The following WNK2 variants were observed in gnomAD, a reference collection of about 807,000 sequenced individuals.
WNK2 encodes WNK lysine deficient protein kinase 2.
WNK2 carries 67 observed loss-of-function variants against 192.1 expected under a neutral mutation model. The observed-to-expected ratio is 0.35, with a 90% confidence interval of 0.29 to 0.43. The LOEUF (loss-of-function observed/expected upper bound fraction) is 0.43, where lower values mean the gene tolerates loss of function less well. Among genes scored for constraint, WNK2 ranks in the 20% least tolerant of loss-of-function variants. The pLI is 1.00. For missense variants in WNK2, 2,698 were observed against 3,089.7 expected (o/e 0.87, Z 3.01); for synonymous variants, 1,439 against 1,393.9 (o/e 1.03, Z -0.72).
chr9:93,211,999 G>A (rs116578020), intron 2 of WNK2, among the ~76,000 whole-genome samples: 1 of 150,596 alleles, frequency 6.6e-6, no homozygotes, highest in African/African-American at 2.4e-5. Context: ...CCCCATTCAC[G>A]CACTCATTCA....
At chr9:93,310,309 C>T (rs930612468) in intron 28 of WNK2, among the ~76,000 whole-genome samples, 1 of 152,200 alleles carries the variant, frequency 6.6e-6, no homozygotes, top group Admixed American at 6.5e-5. Context: ...CACCCGGAGC[C>T]TGGGCAGGCT....
At chr9:93,285,607 T>A (rs1480086444) in intron 19 of WNK2, among the ~76,000 whole-genome samples, 5 of 152,228 alleles carry the variant, frequency 3.3e-5, no homozygotes, top group Non-Finnish European at 5.9e-5. Context: ...ACCATATTCA[T>A]GGACTGGAAG....
intron 2 of WNK2, among the ~76,000 whole-genome samples, chr9:93,223,737 A>T (rs531184244): frequency 2.0e-5 from 3 of 152,234 alleles, no homozygotes; most frequent in Non-Finnish European, 4.4e-5. Flanking sequence ...GACTGGTTCA[A>T]ATCTTCCAGA....
rs138856386 is a variant in WNK2 at position 93,215,191 on chromosome 9, G to A, written c.682-14505G>A. Among the ~76,000 whole-genome samples, 825 of 152,066 alleles carry A rather than the reference G, an allele frequency of 5.4e-3. 7 individuals are homozygous for A. The highest frequency in any genetic ancestry group is 0.018 in the African/African-American group (766 of 41,478). On this transcript the variant is annotated intron_variant, in intron 2 of 29. Transcript: ENST00000427277. ...GGCTGGAGTGCAGTGGCGCGATCTC[G>A]GCTCACTGCAAACTCTGCCTCCTGG...
intron 4 of WNK2, 116 bp from the exon 5 acceptor site, chr9:93,234,692 C>A: frequency 8.1e-7 from 1 of 1,238,460 alleles, no homozygotes; most frequent in Non-Finnish European, 1.1e-6. Flanking sequence ...CTGAGTGTGC[C>A]ATGGGATGTG....
At chr9:93,252,725 T>C (rs1842757624) in intron 8 of WNK2, among the ~76,000 whole-genome samples, 158 bp from the exon 9 acceptor site, 1 of 152,246 alleles carries the variant, frequency 6.6e-6, no homozygotes, top group Admixed American at 6.5e-5. Context: ...CCAGTATGGT[T>C]CTGTAGCAGC....
At chr9:93,249,204 GTTAAA>G (rs1245680406) in intron 8 of WNK2, among the ~76,000 whole-genome samples, 1 of 152,178 alleles carries the variant, frequency 6.6e-6, no homozygotes, top group African/African-American at 2.4e-5. Context: ...GTAATTGTGG[GTTAAA>G]TAATTCCTAG....
chr9:93,267,225 G>A (rs1845305016), intron 16 of WNK2: 1 of 154,158 alleles, frequency 6.5e-6, no homozygotes, highest in Admixed American at 6.4e-5. Flanking sequence ...TGGGAGAGCA[G>A]GGGGTGCGCA....
At chr9:93,256,266 T>C in intron 9 of WNK2, 33 bp from the exon 10 acceptor site, 1 of 1,472,022 alleles carries the variant, frequency 6.8e-7, no homozygotes, top group Non-Finnish European at 9.0e-7. Context: ...GGCCGAGAGC[T>C]GCTGCTGAGT....
chr9:93,237,496 G>C (rs569567921), intron 5 of WNK2, among the ~76,000 whole-genome samples: 1 of 152,256 alleles, frequency 6.6e-6, no homozygotes, highest in South Asian at 2.1e-4. Context: ...GTTCTATTTG[G>C]TTCTGTTTTT....
At chr9:93,260,500 C>T (rs56681899) in intron 12 of WNK2, among the ~76,000 whole-genome samples, 4,032 of 152,226 alleles carry the variant, frequency 0.026, 175 homozygotes, top group African/African-American at 0.093. Flanking sequence ...CCTCAGCCTC[C>T]GCAGGAAAGC....
rs1404978205 is a variant in WNK2 at position 93,252,877 on chromosome 9, C to T, written c.1835-6C>T. 7 of 1,450,580 alleles carry T rather than the reference C, an allele frequency of 4.8e-6. No homozygotes were observed. The highest frequency in any genetic ancestry group is 1.4e-5 in the South Asian group (1 of 69,844). 89.9% of individuals were successfully genotyped at this position (1,450,580 alleles called of 1,614,324 possible). ...CCACTCTAAGTCCTGCTTTTGTCCTCCCCAGCGGACAGCACCTTCGACAGC... is the reference window on the plus strand; with the variant it reads ...CCACTCTAAGTCCTGCTTTTGTCCTTCCCAGCGGACAGCACCTTCGACAGC... On this transcript the variant is annotated splice_region_variant and splice_polypyrimidine_tract_variant and intron_variant, in intron 8 of 29. Coordinates refer to ENST00000427277, the MANE Select transcript of WNK2 (RefSeq NM_006648.4).
intron 2 of WNK2, among the ~76,000 whole-genome samples, chr9:93,218,404 C>CA (rs1836164015): frequency 6.6e-6 from 1 of 152,054 alleles, no homozygotes; most frequent in South Asian, 2.1e-4. Flanking sequence ...ATGATGTGGT[C>CA]AGATGCAGGG....
chr9:93,251,058 AT>A (rs1842528171), intron 8 of WNK2, among the ~76,000 whole-genome samples: 2 of 151,942 alleles, frequency 1.3e-5, no homozygotes, highest in South Asian at 4.1e-4. Flanking sequence ...AGGTGCTGGG[AT>A]TACAGGCATG....
intron 2 of WNK2, among the ~76,000 whole-genome samples, chr9:93,207,561 A>AT (rs766670842): frequency 3.9e-5 from 6 of 152,212 alleles, no homozygotes; most frequent in Non-Finnish European, 8.8e-5. Context: ...AGAATTGGTA[A>AT]TTCTGTCTCC....
chr9:93,216,324 G>C (rs578211551), intron 2 of WNK2, among the ~76,000 whole-genome samples: 122 of 152,256 alleles, frequency 8.0e-4, no homozygotes, highest in African/African-American at 2.7e-3. Context: ...GCAATTTTCA[G>C]CTTAGCAGTC....
At chr9:93,300,896 CTCT>C (rs1441969150) in intron 26 of WNK2, among the ~76,000 whole-genome samples, 1 of 152,248 alleles carries the variant, frequency 6.6e-6, no homozygotes, top group Middle Eastern at 3.2e-3. Flanking sequence ...ACCTGGGCAG[CTCT>C]TCTTTGGAGC....
At chr9:93,238,127 T>C in intron 5 of WNK2, 106 bp from the exon 6 acceptor site, 1 of 951,564 alleles carries the variant, frequency 1.1e-6, no homozygotes, top group Admixed American at 1.9e-5. Flanking sequence ...TTAAGTCCAG[T>C]GCCCGTGTCC....
intron 8 of WNK2, among the ~76,000 whole-genome samples, chr9:93,250,046 T>G (rs1432515843): frequency 6.6e-6 from 1 of 151,724 alleles, no homozygotes; most frequent in Non-Finnish European, 1.5e-5. Flanking sequence ...CCTGAGTAGC[T>G]GGGACTATAG....
Sources: allele counts gnomAD v4.1 joint callset (sites outside exome capture counted in the v4.1 genomes callset), GRCh38; gene constraint gnomAD v4.1.1; transcripts MANE v1.5; gene names NCBI Gene and HGNC (gene_info 2026-07-23, HGNC 2026-07-21).